EGLN1: variants seen among roughly 807,000 people sequenced by gnomAD.
The protein encoded by EGLN1 is egl-9 family hypoxia inducible factor 1.
In EGLN1, 17 loss-of-function variants were observed where a neutral mutation model predicts 38.3. The observed-to-expected ratio is 0.44, with a 90% confidence interval of 0.30 to 0.67. The LOEUF (loss-of-function observed/expected upper bound fraction) is 0.67, where lower values mean the gene tolerates loss of function less well. Among genes scored for constraint, EGLN1 ranks in the 30% least tolerant of loss-of-function variants. The pLI is 0.08. For missense variants in EGLN1, 477 were observed against 603.3 expected (o/e 0.79, Z 2.19); for synonymous variants, 283 against 257.5 (o/e 1.10, Z -0.95).
intron 1 of EGLN1, among the ~76,000 whole-genome samples, chr1:231,392,159 C>T (rs1053897159): frequency 1.4e-4 from 21 of 152,126 alleles, no homozygotes; most frequent in South Asian, 6.2e-4. Flanking sequence ...TGGTGGTGGG[C>T]GCCTGTAGTC....
At chr1:231,368,491 G>GACTT (rs3071924) in intron 3 of EGLN1, among the ~76,000 whole-genome samples, 82,739 of 151,708 alleles carry the variant, frequency 0.55, 24,121 homozygotes, top group Non-Finnish European at 0.65. Flanking sequence ...CTGAAAATCT[G>GACTT]ACTTAGAATA....
At chr1:231,389,550 A>G (rs1688314398) in intron 1 of EGLN1, among the ~76,000 whole-genome samples, 1 of 152,246 alleles carries the variant, frequency 6.6e-6, no homozygotes, top group Non-Finnish European at 1.5e-5. Context: ...GGACCAAGTC[A>G]GATAAATATA....
intron 3 of EGLN1, among the ~76,000 whole-genome samples, chr1:231,368,839 G>A (rs1011640242): frequency 6.6e-6 from 1 of 152,184 alleles, no homozygotes; most frequent in African/African-American, 2.4e-5. Flanking sequence ...CAGAGCTGAG[G>A]TCTAAGGAGG....
intron 1 of EGLN1, among the ~76,000 whole-genome samples, chr1:231,412,263 T>C (rs1207057555): frequency 1.3e-5 from 2 of 152,176 alleles, no homozygotes; most frequent in African/African-American, 2.4e-5. Context: ...ATGTGTATCA[T>C]ACAGTCATGT....
rs115207303 is a variant in EGLN1, at chr1:231,393,489, T to C, written c.892-19390A>G. On this transcript the variant is annotated intron_variant, in intron 1 of 4. Transcript: ENST00000366641. ...CTGGGCATGTGTCTAATCCTACTTC[T>C]TCATCTGTAAAATGGCTTAATACCT... Among the ~76,000 whole-genome samples, 234 of 152,278 alleles carry C rather than the reference T, an allele frequency of 1.5e-3. 2 individuals carry two copies. Among genetic ancestry groups the C allele is most frequent in the African/African-American group, 5.3e-3 (222 of 41,554 alleles).
intron 1 of EGLN1, among the ~76,000 whole-genome samples, chr1:231,414,830 G>A (rs957626186): frequency 6.8e-6 from 1 of 148,032 alleles, no homozygotes; most frequent in Non-Finnish European, 1.5e-5. Flanking sequence ...CTACCTCCCA[G>A]GCTCAAGCGA....
At chr1:231,414,974 T>C (rs1036879580) in intron 1 of EGLN1, among the ~76,000 whole-genome samples, 5 of 151,800 alleles carry the variant, frequency 3.3e-5, no homozygotes, top group Non-Finnish European at 4.4e-5. Context: ...CTCAAGCAAA[T>C]CCGCCCACCC....
intron 1 of EGLN1, among the ~76,000 whole-genome samples, chr1:231,381,050 G>A (rs549466843): frequency 6.6e-6 from 1 of 152,180 alleles, no homozygotes; most frequent in South Asian, 2.1e-4. Context: ...GGGAGTACAG[G>A]TACACGCTAC....
Position 231,421,843 on chromosome 1 carries a change from G to C in EGLN1, c.46C>G (p.Arg16Gly). ...GGPGGPSPSERDRQYCELCGK... is the reference protein window; with the variant it reads ...GGPGGPSPSEGDRQYCELCGK... ...CACAGCTCGCAGTACTGCCGGTCTC[G>C]CTCGCTCGGGCTCGGCCCGCCGGGC... The change falls in exon 1 of 5, where the codon CGA becomes GGA. Residue 16 changes from arginine (R) to glycine (G), a missense_variant. Physicochemically the swap from Arg to Gly is moderately radical, Grantham distance 125 (BLOSUM62 -2). Around this residue, in one of 4 missense-constraint regions of EGLN1, gnomAD observed 298 missense variants for 288.9 expected, o/e 1.03. Transcript: ENST00000366641. The surrounding 1 kb of genome is among the most constrained non-coding windows in gnomAD (Gnocchi z 5.5). 6.7e-7 allele frequency: 1 copy of C among 1,503,394 alleles called. No homozygotes were observed. 93.1% of individuals were successfully genotyped at this position (1,503,394 alleles called of 1,614,324 possible).
chr1:231,385,678 A>C (rs1364864485), intron 1 of EGLN1, among the ~76,000 whole-genome samples: 4 of 152,196 alleles, frequency 2.6e-5, no homozygotes, highest in Admixed American at 6.5e-5. Context: ...GAAGAGGTTT[A>C]AACAAAGAAG....
At chr1:231,414,097 A>T (rs1313231224) in intron 1 of EGLN1, among the ~76,000 whole-genome samples, 7 of 152,236 alleles carry the variant, frequency 4.6e-5, no homozygotes. Context: ...AGCTGAAATA[A>T]AAGGCAAAGA....
chr1:231,421,365 G>C lies in EGLN1; in HGVS notation c.524C>G (p.Pro175Arg), dbSNP rs759117988. The change falls in exon 1 of 5, where the codon CCC becomes CGC. Residue 175 changes from proline (P) to arginine (R), a missense_variant. By Grantham distance (103) the Pro-to-Arg change is moderately radical (BLOSUM62 -2). Transcript: ENST00000366641. This position sits in a 1 kb window ranked among gnomAD's most constrained non-coding sequence, Gnocchi z 5.5. Reference protein sequence around the residue: ...PSNTPGDALSPGGGLRPNGQT... With the variant: ...PSNTPGDALSRGGGLRPNGQT... ...CCCGTTGGGCCGCAGGCCGCCGCCG[G>C]GGCTCAGCGCATCCCCGGGCGTGTT... 1.2e-6 allele frequency: 2 copies of C among 1,609,534 alleles called. No homozygotes were observed. Among genetic ancestry groups the C allele is most frequent in the Non-Finnish European group, 1.7e-6 (2 of 1,178,006 alleles).
At position 231,421,292 on chromosome 1, in the gene EGLN1, C is replaced by T. The variant is rs563998083; in HGVS notation, c.597G>A (p.Val199=). The T allele has an allele frequency of 2.7e-5, 43 of 1,613,354 alleles. No homozygotes were observed. In the East Asian group the frequency reaches 9.1e-4, roughly 34 times the overall value. ...AGATGCCGTGCTTGTTCATGCACGG[C>T]ACGATGTACTCGAGCGCCAGCTTCA... ...PALKLALEYI[V]PCMNKHGICV... The change falls in exon 1 of 5, where the codon GTG becomes GTA. Residue 199 remains valine (V), a synonymous_variant. Transcript: ENST00000366641. This position sits in a 1 kb window ranked among gnomAD's most constrained non-coding sequence, Gnocchi z 5.5.
intron 1 of EGLN1, among the ~76,000 whole-genome samples, chr1:231,381,069 G>T (rs1688069295): frequency 6.6e-6 from 1 of 152,072 alleles, no homozygotes; most frequent in Admixed American, 6.6e-5. Flanking sequence ...ACCACACCTG[G>T]CTAATTTTTT....
At chr1:231,392,780 C>T (rs1688425669) in intron 1 of EGLN1, among the ~76,000 whole-genome samples, 1 of 152,214 alleles carries the variant, frequency 6.6e-6, no homozygotes, top group South Asian at 2.1e-4. Flanking sequence ...TCTTCATCCT[C>T]AAGCAGTCAC....
chr1:231,392,852 T>C (rs1378130949), intron 1 of EGLN1, among the ~76,000 whole-genome samples: 2 of 152,186 alleles, frequency 1.3e-5, no homozygotes, highest in East Asian at 3.9e-4. Context: ...CTGGCATCCA[T>C]TCCCCTTCTT....
chr1:231,417,941 C>G (rs1318305366), intron 1 of EGLN1, among the ~76,000 whole-genome samples: 1 of 152,098 alleles, frequency 6.6e-6, no homozygotes, highest in Non-Finnish European at 1.5e-5. Context: ...AATTTAAGTC[C>G]TAATATGCTG....
intron 1 of EGLN1, among the ~76,000 whole-genome samples, chr1:231,418,809 C>T (rs1160937271): frequency 6.6e-6 from 1 of 151,324 alleles, no homozygotes; most frequent in Non-Finnish European, 1.5e-5. Flanking sequence ...CTGCAGTGGG[C>T]CATGCTTACA....
chr1:231,403,022 G>A lies in EGLN1; in HGVS notation c.891+17976C>T, dbSNP rs577547520. ...TGACCCATAGGTTATTTAGAAATTC[G>A]CTGTTTAATTTCCACATATGAGATT... On this transcript the variant is annotated intron_variant, in intron 1 of 4. Transcript: ENST00000366641. 8.4e-4 allele frequency among the ~76,000 whole-genome samples: 127 copies of A among 151,674 alleles called. 1 individual carries two copies. The highest frequency in any genetic ancestry group is 2.4e-3 in the African/African-American group (100 of 41,394).
Sources: gnomAD v4.1 joint callset for allele counts (sites outside exome capture counted in the v4.1 genomes callset) on GRCh38, gnomAD v4.1.1 for gene constraint, gnomAD v4.1.1 regional missense constraint, Gnocchi (gnomAD v3.1) non-coding constraint, MANE v1.5 for transcripts, NCBI Gene and HGNC (gene_info 2026-07-23, HGNC 2026-07-21) for gene names.